Variants in LGSN observed in about 807,000 individuals in gnomAD.
LGSN encodes the protein lengsin, lens protein with glutamine synthetase domain.
Under a neutral mutation model 19.5 loss-of-function variants are expected in LGSN, and 21 were observed. The ratio of observed to expected loss-of-function variants is 1.07; its 90% CI spans 0.76 to 1.55. LGSN has a LOEUF of 1.55. LGSN is among the 40% of genes most tolerant of loss of function. The pLI is 0.00. For missense variants in LGSN, 673 were observed against 608.5 expected, an observed-to-expected ratio of 1.11 and a Z score of -1.12; for synonymous variants, 257 against 215.6, an observed-to-expected ratio of 1.19 and a Z score of -1.68.
chr6:63,531,629 A>G, the LGSN span, among the ~76,000 whole-genome samples: 1 of 148,450 alleles, frequency 6.7e-6, no homozygotes, highest in African/African-American at 2.5e-5. Context: ...AGCTGGGACT[A>G]TAGGCACGAG....
At chr6:63,552,854 G>T in the LGSN span, among the ~76,000 whole-genome samples, 1 of 152,102 alleles carries the variant, frequency 6.6e-6, no homozygotes, top group Non-Finnish European at 1.5e-5. Flanking sequence ...TAGATGTGTG[G>T]TATTATTTCT....
At chr6:63,399,698 C>T in the LGSN span, among the ~76,000 whole-genome samples, 1 of 148,326 alleles carries the variant, frequency 6.7e-6, no homozygotes, top group Non-Finnish European at 1.5e-5. Context: ...ACCCGGCCAT[C>T]ATTTTTTATT....
the LGSN span, among the ~76,000 whole-genome samples, chr6:63,470,475 TC>T: frequency 1.2e-5 from 1 of 85,940 alleles, no homozygotes; most frequent in Non-Finnish European, 2.5e-5. Flanking sequence ...CTGTCTCAAT[TC>T]AAAAAAAAAA....
At chr6:63,405,754 C>T in the LGSN span, among the ~76,000 whole-genome samples, 1 of 151,954 alleles carries the variant, frequency 6.6e-6, no homozygotes, top group African/African-American at 2.4e-5. Flanking sequence ...GAGTTAAGAC[C>T]CATCAGTGTG....
rs563477097 is a variant in LGSN at position 63,284,459 on chromosome 6, T to G, written c.330+1128A>C. 4.6e-5 allele frequency among the ~76,000 whole-genome samples: 7 copies of G among 152,362 alleles called. No homozygotes were observed. In the South Asian group the frequency reaches 1.2e-3, roughly 27 times the overall value. ...TCCTTAGCAAGTATAAGCAGCATAC[T>G]GTTTTATTTTTGTAAAAGGATTCCA... On this transcript the variant is annotated intron_variant, in intron 3 of 3. Transcript: ENST00000370657.
upstream of LGSN, among the ~76,000 whole-genome samples, chr6:63,322,519 A>G (rs79742438): frequency 0.033 from 5,044 of 152,264 alleles, 284 homozygotes; most frequent in African/African-American, 0.12. Flanking sequence ...TAGAAGCTGC[A>G]TGGGTTTGTT....
At chr6:63,453,716 G>A in the LGSN span, among the ~76,000 whole-genome samples, 52 of 151,904 alleles carry the variant, frequency 3.4e-4, no homozygotes, top group African/African-American at 1.2e-3. Flanking sequence ...TGCAGTGGCG[G>A]GATCTCGGCT....
chr6:63,495,469 T>TTTTTTTTTTTTTTTTTTTG, the LGSN span, among the ~76,000 whole-genome samples: 363 of 119,266 alleles, frequency 3.0e-3, no homozygotes, highest in African/African-American at 6.3e-3. Flanking sequence ...TTTTTTTTTT[T>TTTTTTTTTTTTTTTTTTTG]TTTTTTTGAG....
At chr6:63,519,346 A>G in the LGSN span, among the ~76,000 whole-genome samples, 1 of 152,210 alleles carries the variant, frequency 6.6e-6, no homozygotes, top group African/African-American at 2.4e-5. Context: ...TCAGTTCAGT[A>G]CAGTTTCAGT....
the LGSN span, among the ~76,000 whole-genome samples, chr6:63,329,829 A>C: frequency 6.6e-6 from 1 of 152,206 alleles, no homozygotes; most frequent in African/African-American, 2.4e-5. Flanking sequence ...GCATGTGAAA[A>C]GAGCAAAGTC....
chr6:63,490,675 G>C, the LGSN span, among the ~76,000 whole-genome samples: 2 of 152,126 alleles, frequency 1.3e-5, no homozygotes, highest in South Asian at 4.1e-4. Flanking sequence ...CTCCCAGGCT[G>C]TAGCGATTCT....
chr6:63,285,676 C>T lies in LGSN; in HGVS notation c.241G>A (p.Ala81Thr). 6.2e-7 allele frequency: 1 copy of T among 1,613,912 alleles called. No individual in the cohort carries two copies. The highest frequency in any genetic ancestry group is 2.2e-5 in the East Asian group (1 of 44,872). The part of the protein sequence containing the change: ...SRMKHIRQAM[A>T]KNRLQFVRFE... ...CGTACAAACTGGAGGCGATTTTTGGCCATGGCTTGTCTAATGTGTTTCATT... is the reference window on the plus strand; with the variant it reads ...CGTACAAACTGGAGGCGATTTTTGGTCATGGCTTGTCTAATGTGTTTCATT... The change falls in exon 3 of 4, where the codon GCC becomes ACC. Residue 81 changes from alanine (A) to threonine (T), a missense_variant. Transcript: ENST00000370657.
the LGSN span, among the ~76,000 whole-genome samples, chr6:63,412,435 AAAGAAAGC>A: frequency 2.3e-3 from 318 of 138,364 alleles, 5 homozygotes; most frequent in African/African-American, 1.7e-3. Context: ...AGAAAGAAAG[AAAGAAAGC>A]AAGAAAGAAA....
At chr6:63,456,303 C>G in the LGSN span, among the ~76,000 whole-genome samples, 2 of 139,706 alleles carry the variant, frequency 1.4e-5, no homozygotes, top group African/African-American at 2.7e-5. Context: ...TTCAGGGCAC[C>G]TTGAGTCTAT....
At chr6:63,372,234 T>C in the LGSN span, among the ~76,000 whole-genome samples, 7 of 152,216 alleles carry the variant, frequency 4.6e-5, no homozygotes, top group African/African-American at 1.7e-4. Context: ...CTGTTGACTA[T>C]GTAGTAAAAC....
upstream of LGSN, among the ~76,000 whole-genome samples, chr6:63,322,843 G>A (rs954489113): frequency 2.3e-4 from 35 of 152,230 alleles, no homozygotes; most frequent in Middle Eastern, 0.01. Flanking sequence ...AGGGCTGAGC[G>A]GAAACACACA....
the LGSN span, among the ~76,000 whole-genome samples, chr6:63,535,978 G>T: frequency 2.0e-5 from 3 of 151,436 alleles, no homozygotes; most frequent in East Asian, 6.0e-4. Flanking sequence ...TCACTGTGTT[G>T]GCCAGGGTGG....
the LGSN span, among the ~76,000 whole-genome samples, chr6:63,361,031 G>T: frequency 6.6e-6 from 1 of 152,240 alleles, no homozygotes; most frequent in Admixed American, 6.5e-5. Context: ...TGTCTCAGAG[G>T]AGTACCCAGC....
the LGSN span, among the ~76,000 whole-genome samples, chr6:63,366,263 G>A: frequency 6.6e-6 from 1 of 152,116 alleles, no homozygotes; most frequent in African/African-American, 2.4e-5. Context: ...AAATCAATGT[G>A]CCAAAATCAC....
Sources: allele counts gnomAD v4.1 joint callset (sites outside exome capture counted in the v4.1 genomes callset), GRCh38; gene constraint gnomAD v4.1.1; transcripts MANE v1.5; gene names NCBI Gene and HGNC (gene_info 2026-07-23, HGNC 2026-07-21).